The following SNX4 variants were observed in gnomAD, a reference collection of about 807,000 sequenced individuals.
SNX4 encodes sorting nexin-4.
In SNX4, 49 loss-of-function variants were observed where a neutral mutation model predicts 70.8. The ratio of observed to expected loss-of-function variants is 0.69; its 90% CI spans 0.55 to 0.88. The LOEUF is 0.88. Among genes scored for constraint, SNX4 ranks in the 40% least tolerant of loss-of-function variants. The probability of loss-of-function intolerance (pLI) is 0.00; values close to 1 mark genes in which losing one functional copy is unlikely to be tolerated. For synonymous variants in SNX4, 206 were observed against 183.8 expected, an observed-to-expected ratio of 1.12 and a Z score of -0.98; for missense variants, 528 against 544.8, an observed-to-expected ratio of 0.97 and a Z score of 0.31.
At chr3:125,454,007 T>C (rs1486758910) in intron 11 of SNX4, 52 bp from the exon 12 acceptor site, 1 of 1,467,738 alleles carries the variant, frequency 6.8e-7, no homozygotes, top group Non-Finnish European at 9.4e-7. Flanking sequence ...GGCATACACA[T>C]ACACATACAA....
At position 125,504,622 on chromosome 3, in the gene SNX4, C is replaced by T; in HGVS notation, c.263+1G>A. 6.2e-7 allele frequency: 1 copy of T among 1,608,656 alleles called. No individual in the cohort carries two copies. Among genetic ancestry groups the T allele is most frequent in the South Asian group, 1.1e-5 (1 of 89,174 alleles). On this transcript the variant is annotated splice_donor_variant, in intron 2 of 13. Transcript: ENST00000251775. LOFTEE classifies it high-confidence loss of function. ...GCCCAGGTGTAATTTCTGTTACCCA[C>T]CTTGTTTCAATGAGGTAAGCAGTAT...
intron 1 of SNX4, among the ~76,000 whole-genome samples, chr3:125,505,062 T>C (rs1458699916): frequency 1.3e-5 from 2 of 152,186 alleles, no homozygotes; most frequent in Non-Finnish European, 2.9e-5. Context: ...CTTCACCTCC[T>C]GGGTTCAAGG....
At chr3:125,491,564 C>T (rs1256496553) in intron 5 of SNX4, among the ~76,000 whole-genome samples, 1 of 152,176 alleles carries the variant, frequency 6.6e-6, no homozygotes, top group African/African-American at 2.4e-5. Context: ...CCAACTCAAT[C>T]TGCTCATTTC....
chr3:125,472,120 G>A (rs1159849486), intron 8 of SNX4, among the ~76,000 whole-genome samples: 2 of 151,650 alleles, frequency 1.3e-5, no homozygotes, highest in Non-Finnish European at 1.5e-5. Context: ...TTTTTTCTTA[G>A]TCCATTCTTT....
At chr3:125,459,667 G>C (rs1337660269) in intron 10 of SNX4, among the ~76,000 whole-genome samples, 1 of 152,040 alleles carries the variant, frequency 6.6e-6, no homozygotes, top group Non-Finnish European at 1.5e-5. Flanking sequence ...TCGAACTCCT[G>C]GCCTCAGGTG....
chr3:125,474,141 A>C (rs919431702), intron 8 of SNX4, among the ~76,000 whole-genome samples: 2 of 152,134 alleles, frequency 1.3e-5, no homozygotes, highest in Non-Finnish European at 2.9e-5. Flanking sequence ...CCATGGTAAC[A>C]GGAGCTCAGT....
At position 125,484,999 on chromosome 3, in the gene SNX4, G is replaced by A. The variant is rs541730157; in HGVS notation, c.653+4409C>T. Among the ~76,000 whole-genome samples the A allele has an allele frequency of 2.1e-4, 32 of 152,110 alleles. No individual in the cohort carries two copies. The Middle Eastern group carries it at 0.01, about 49-fold the overall frequency. The stretch of plus-strand genomic sequence containing the variant: ...AGAGAATTGCTTGAACCCGGGAGGC[G>A]GAGGTTGCAGTGAGCCAAGGTCACG... On this transcript the variant is annotated intron_variant, in intron 6 of 13. Coordinates refer to ENST00000251775, the MANE Select transcript of SNX4 (RefSeq NM_003794.4).
chr3:125,510,194 A>G (rs1935140276), intron 1 of SNX4, among the ~76,000 whole-genome samples: 1 of 152,212 alleles, frequency 6.6e-6, no homozygotes. Context: ...CAATAGGTAA[A>G]ACAAGGAAGC....
intron 8 of SNX4, among the ~76,000 whole-genome samples, chr3:125,471,432 C>T (rs11915353): frequency 0.049 from 7,062 of 143,846 alleles, 395 homozygotes; most frequent in African/African-American, 0.13. Context: ...TTATTAAACA[C>T]AAGTACATCT....
At chr3:125,486,058 C>A (rs1219202642) in intron 6 of SNX4, among the ~76,000 whole-genome samples, 1 of 152,134 alleles carries the variant, frequency 6.6e-6, no homozygotes, top group African/African-American at 2.4e-5. Flanking sequence ...CCAGGTGGGT[C>A]TCGAGCTCCT....
At position 125,504,603 on chromosome 3, in the gene SNX4, G is replaced by A; in HGVS notation, c.263+20C>T. On this transcript the variant is annotated intron_variant, in intron 2 of 13. Coordinates refer to ENST00000251775, the MANE Select transcript of SNX4 (RefSeq NM_003794.4). Reference sequence around the variant, plus strand: ...AAAAGCTTTCTGTCTACCTGCCCAGGTGTAATTTCTGTTACCCACCTTGTT... The same window carrying A: ...AAAAGCTTTCTGTCTACCTGCCCAGATGTAATTTCTGTTACCCACCTTGTT... The A allele has an allele frequency of 1.9e-6, 3 of 1,606,050 alleles. No homozygotes were observed. Among genetic ancestry groups the A allele is most frequent in the South Asian group, 1.1e-5 (1 of 88,922 alleles).
At chr3:125,461,135 A>G (rs1179070061) in intron 9 of SNX4, among the ~76,000 whole-genome samples, 1 of 152,216 alleles carries the variant, frequency 6.6e-6, no homozygotes, top group Non-Finnish European at 1.5e-5. Context: ...CTGAGGCAGG[A>G]GAATCTCTTG....
intron 9 of SNX4, among the ~76,000 whole-genome samples, chr3:125,469,151 T>C (rs1934108073): frequency 6.6e-6 from 1 of 152,338 alleles, no homozygotes. Context: ...TTCCCTTTTA[T>C]TCCTAGTTGA....
chr3:125,493,909 C>T (rs992335906), intron 5 of SNX4, among the ~76,000 whole-genome samples: 4 of 151,578 alleles, frequency 2.6e-5, no homozygotes, highest in Non-Finnish European at 4.4e-5. Flanking sequence ...TGGTGGTGAG[C>T]GCCTGTAGTC....
rs74856839 is a variant in SNX4, at chr3:125,459,890, C to T, written c.944+881G>A. 2.6e-3 allele frequency among the ~76,000 whole-genome samples: 398 copies of T among 152,076 alleles called. 4 individuals are homozygous for T. Among genetic ancestry groups the T allele is most frequent in the African/African-American group, 9.3e-3 (384 of 41,468 alleles). On this transcript the variant is annotated intron_variant, in intron 10 of 13. Coordinates refer to ENST00000251775, the MANE Select transcript of SNX4 (RefSeq NM_003794.4). ...GTGCTCTTGTTTTCCTAACAGAATT[C>T]TTATACTGCTTTTAAAAGCGACAGG... is the stretch of plus-strand genomic sequence containing the variant.
At chr3:125,510,965 C>A (rs539067956) in intron 1 of SNX4, among the ~76,000 whole-genome samples, 75 of 152,348 alleles carry the variant, frequency 4.9e-4, no homozygotes, top group Non-Finnish European at 1.1e-3. Context: ...ACCGCCTAGG[C>A]TGGAGTGCAA....
In SNX4 at chr3:125,453,952, C is replaced by T; in HGVS notation, c.1048G>A (p.Val350Met). The T allele has an allele frequency of 6.2e-7, 1 of 1,612,636 alleles. No homozygotes were observed. The highest frequency in any genetic ancestry group is 1.1e-5 in the South Asian group (1 of 90,712). Residue 350 changes from valine to methionine, a missense_variant, in exon 12 of 14, where the codon GTG (valine) becomes ATG (methionine). Coordinates refer to ENST00000251775, the MANE Select transcript of SNX4 (RefSeq NM_003794.4). ...QQCEELVTGT[V>M]RTFSLKGMTT... ...ATTCCCTTCAAAGAGAATGTTCTCA[C>T]AGTCTAAAAGGAAACAGAAACAGAT...
At chr3:125,452,928 A>C (rs1383618432) in intron 12 of SNX4, among the ~76,000 whole-genome samples, 1 of 151,998 alleles carries the variant, frequency 6.6e-6, no homozygotes, top group African/African-American at 2.4e-5. Context: ...GTCTTTTTTA[A>C]TTCTATCTAT....
intron 7 of SNX4, among the ~76,000 whole-genome samples, chr3:125,479,766 A>C (rs932083563): frequency 6.6e-6 from 1 of 152,130 alleles, no homozygotes; most frequent in African/African-American, 2.4e-5. Context: ...CTCTTTGCCT[A>C]TTACAGCTGA....
Sources: gnomAD v4.1 joint callset for allele counts (sites outside exome capture counted in the v4.1 genomes callset) on GRCh38, gnomAD v4.1.1 for gene constraint, MANE v1.5 for transcripts, NCBI Gene and HGNC (gene_info 2026-07-23, HGNC 2026-07-21) for gene names.